MICAL3: variants seen among roughly 807,000 people sequenced by gnomAD.
The protein encoded by MICAL3 is microtubule associated monooxygenase, calponin and LIM domain containing 3, also known as [F-actin]-monooxygenase MICAL3.
Under a neutral mutation model 207.4 loss-of-function variants are expected in MICAL3, and 62 were observed. The observed-to-expected ratio is 0.30, with a 90% CI of 0.24 to 0.37. The LOEUF is 0.37. Ranked by LOEUF, MICAL3 falls within the 10% of genes least tolerant of loss-of-function variation. The pLI is 1.00. For missense variants in MICAL3, 2,368 were observed against 2,635.6 expected, an observed-to-expected ratio of 0.90 and a Z score of 2.22; for synonymous variants, 1,077 against 1,069.3, an observed-to-expected ratio of 1.01 and a Z score of -0.14.
At chr22:17,807,306 T>C (rs920661428) in intron 29 of MICAL3, among the ~76,000 whole-genome samples, 6 of 152,112 alleles carry the variant, frequency 3.9e-5, no homozygotes, top group Non-Finnish European at 7.4e-5. Context: ...CAGGCTTAAC[T>C]GAGGAGGCCA....
intron 16 of MICAL3, chr22:17,879,392 T>C: frequency 6.2e-7 from 1 of 1,612,438 alleles, no homozygotes; most frequent in South Asian, 1.1e-5. Flanking sequence ...AGCATCAAGA[T>C]CCCTGTATGT....
At chr22:17,877,099 GGGAGGTTAT>G (rs1928655627) in intron 16 of MICAL3, among the ~76,000 whole-genome samples, 29 of 128,558 alleles carry the variant, frequency 2.3e-4, no homozygotes, top group African/African-American at 5.8e-4. Context: ...ATGGAGGTTA[GGGAGGTTAT>G]GGAGGTTAGG....
chr22:17,973,278 G>A (rs942738218), intron 1 of MICAL3, among the ~76,000 whole-genome samples: 16 of 152,218 alleles, frequency 1.1e-4, no homozygotes, highest in African/African-American at 3.9e-4. Flanking sequence ...GGGGAGCCTG[G>A]GGAGGGAATG....
chr22:17,851,795 C>G (rs548907459), intron 19 of MICAL3, among the ~76,000 whole-genome samples: 2 of 152,330 alleles, frequency 1.3e-5, no homozygotes, highest in East Asian at 3.9e-4. Flanking sequence ...CATCAAAGTT[C>G]TGAAAAGAGA....
At chr22:17,886,804 CAAAA>C (rs55867197) in intron 15 of MICAL3, among the ~76,000 whole-genome samples, 1 of 96,714 alleles carries the variant, frequency 1.0e-5, no homozygotes, top group Non-Finnish European at 2.2e-5. Flanking sequence ...GACTCTGTCT[CAAAA>C]AAAAAAAAAA....
intron 21 of MICAL3, among the ~76,000 whole-genome samples, chr22:17,829,091 T>G (rs768928791): frequency 1.3e-5 from 2 of 152,140 alleles, no homozygotes; most frequent in African/African-American, 2.4e-5. Context: ...TATTAGCCCC[T>G]TGTTGGAGTT....
At chr22:18,002,631 T>TA (rs1359260418) in intron 1 of MICAL3, among the ~76,000 whole-genome samples, 2 of 151,720 alleles carry the variant, frequency 1.3e-5, no homozygotes, top group Non-Finnish European at 2.9e-5. Context: ...AGCCTCTGTC[T>TA]AAAAAAAAGA....
intron 19 of MICAL3, among the ~76,000 whole-genome samples, chr22:17,856,608 CTTTTTTTTT>C (rs57588188): frequency 1.1e-5 from 1 of 94,882 alleles, no homozygotes; most frequent in Admixed American, 1.3e-4. Flanking sequence ...AAAATGTTTA[CTTTTTTTTT>C]TTTTTTTTTT....
chr22:17,851,060 G>A (rs970361534), intron 19 of MICAL3, among the ~76,000 whole-genome samples: 5 of 152,190 alleles, frequency 3.3e-5, no homozygotes, highest in Non-Finnish European at 7.3e-5. Flanking sequence ...TAAATTGCAC[G>A]AGTGCTGCGC....
intron 1 of MICAL3, among the ~76,000 whole-genome samples, chr22:17,976,474 GTTT>G (rs1935633549): frequency 2.1e-5 from 3 of 144,858 alleles, no homozygotes; most frequent in African/African-American, 7.7e-5. Flanking sequence ...TTTATGGCTG[GTTT>G]TTTATTTTAA....
intron 1 of MICAL3, among the ~76,000 whole-genome samples, chr22:17,917,359 G>A (rs567681231): frequency 2.0e-5 from 3 of 152,128 alleles, no homozygotes; most frequent in African/African-American, 2.4e-5. Context: ...CCAGCTACCC[G>A]GACACTCAAC....
At chr22:17,837,844 A>G (rs1445511933) in intron 20 of MICAL3, among the ~76,000 whole-genome samples, 2 of 152,182 alleles carry the variant, frequency 1.3e-5, no homozygotes, top group Non-Finnish European at 2.9e-5. Flanking sequence ...TGCGCCTAGA[A>G]GTTACATTTG....
chr22:17,801,121 T>G (rs1432091523), intron 29 of MICAL3, among the ~76,000 whole-genome samples: 1 of 151,976 alleles, frequency 6.6e-6, no homozygotes, highest in Non-Finnish European at 1.5e-5. Flanking sequence ...ACTGTGTGAT[T>G]CACAAGGCAT....
At chr22:17,821,089 A>T (rs1921597465) in intron 25 of MICAL3, among the ~76,000 whole-genome samples, 1 of 151,894 alleles carries the variant, frequency 6.6e-6, no homozygotes, top group Non-Finnish European at 1.5e-5. Context: ...TGTTTAAATT[A>T]AACATATGGT....
chr22:18,007,517 C>T (rs958169440), intron 1 of MICAL3, among the ~76,000 whole-genome samples: 46 of 151,538 alleles, frequency 3.0e-4, no homozygotes, highest in African/African-American at 1.1e-3. Context: ...TGCAGCCTTG[C>T]ACTCCTGGGC....
intron 19 of MICAL3, among the ~76,000 whole-genome samples, chr22:17,854,591 A>C (rs1391614493): frequency 6.6e-6 from 1 of 151,916 alleles, no homozygotes; most frequent in Non-Finnish European, 1.5e-5. Context: ...TGCTGTGACA[A>C]ACTTGGTCAC....
chr22:17,929,757 C>T (rs1241669473), intron 1 of MICAL3, among the ~76,000 whole-genome samples: 1 of 152,010 alleles, frequency 6.6e-6, no homozygotes, highest in Non-Finnish European at 1.5e-5. Context: ...TTAGTAGAGA[C>T]AGGGTTTCAC....
chr22:17,944,943 T>C (rs1416008232), intron 1 of MICAL3, among the ~76,000 whole-genome samples: 1 of 150,972 alleles, frequency 6.6e-6, no homozygotes, highest in Non-Finnish European at 1.5e-5. Flanking sequence ...TCAAACTTAC[T>C]AGAAATAATA....
At chr22:17,890,272 G>C (rs1401254335) in intron 12 of MICAL3, among the ~76,000 whole-genome samples, 2 of 152,018 alleles carry the variant, frequency 1.3e-5, no homozygotes, top group Admixed American at 6.6e-5. Context: ...CACTGCTGCT[G>C]AACAGTGCCG....
Sources: allele counts gnomAD v4.1 joint callset (sites outside exome capture counted in the v4.1 genomes callset), GRCh38; gene constraint gnomAD v4.1.1; transcripts MANE v1.5; gene names NCBI Gene and HGNC (gene_info 2026-07-23, HGNC 2026-07-21).